The following TCF20 variants were observed in gnomAD, a reference collection of about 807,000 sequenced individuals.
TCF20 encodes transcription factor 20.
Under a neutral mutation model 148.6 loss-of-function variants are expected in TCF20, and 3 were observed. The observed-to-expected ratio is 0.02, with a 90% CI of 0.01 to 0.05. TCF20 has a LOEUF of 0.05. Ranked by LOEUF, TCF20 falls within the 10% of genes least tolerant of loss-of-function variation. TCF20 has a pLI of 1.00. For missense variants in TCF20, 2,350 were observed against 2,429.3 expected, an observed-to-expected ratio of 0.97 and a Z score of 0.69; for synonymous variants, 1,049 against 909.5, an observed-to-expected ratio of 1.15 and a Z score of -2.76.
chr22:42,296,166 C>A (rs1272813455), intron 1 of TCF20, among the ~76,000 whole-genome samples: 1 of 152,056 alleles, frequency 6.6e-6, no homozygotes, highest in African/African-American at 2.4e-5. Flanking sequence ...CTTGGCAGTG[C>A]AGGATCACCA....
chr22:42,217,880 C>A (rs1569157991), intron 1 of TCF20, among the ~76,000 whole-genome samples: 1 of 152,200 alleles, frequency 6.6e-6, no homozygotes, highest in Admixed American at 6.5e-5. Flanking sequence ...TGACCCATAT[C>A]TTGAAATATC....
At chr22:42,270,715 CGGGA>C (rs987156336), upstream of TCF20, among the ~76,000 whole-genome samples, 2 of 55,246 alleles carry the variant, frequency 3.6e-5, no homozygotes, top group South Asian at 6.4e-4. Flanking sequence ...CGCGGGCGGG[CGGGA>C]GGGCGCGCGG....
At chr22:42,175,490 G>A (rs924070528) in intron 3 of TCF20, among the ~76,000 whole-genome samples, 4 of 152,070 alleles carry the variant, frequency 2.6e-5, no homozygotes, top group Admixed American at 6.5e-5. Context: ...ACAGGCACGC[G>A]CCACCACACC....
At position 42,187,198 on chromosome 22, in the gene TCF20, C is replaced by T. The variant is rs954994781; in HGVS notation, c.5656-7496G>A. Among the ~76,000 whole-genome samples the T allele has an allele frequency of 1.4e-4, 22 of 152,228 alleles. No individual in the cohort carries two copies. The South Asian group carries it at 2.7e-3, about 19-fold the overall frequency. ...ACAGATGGTACTATTCCTTACAACA[C>T]ACTTAGGGCCCAATAGTTCATCTTC... On this transcript the variant is annotated intron_variant, in intron 2 of 5. Coordinates refer to ENST00000677622, the MANE Select transcript of TCF20 (RefSeq NM_001378418.1).
chr22:42,229,246 T>C (rs1012251938), intron 1 of TCF20, among the ~76,000 whole-genome samples: 1 of 152,106 alleles, frequency 6.6e-6, no homozygotes. Context: ...TCCATAATTA[T>C]GGAATGGCAA....
intron 5 of TCF20, among the ~76,000 whole-genome samples, chr22:42,166,523 C>T (rs950068778): frequency 4.6e-5 from 7 of 151,626 alleles, no homozygotes; most frequent in African/African-American, 1.2e-4. Context: ...GCGGGAGAAT[C>T]GCCTGAACCC....
At position 42,168,601 on chromosome 22, in the gene TCF20, C is replaced by G. The variant is rs141457938; in HGVS notation, c.*44+8G>C. 1 of 1,555,782 alleles carries G rather than the reference C, an allele frequency of 6.4e-7. No individual in the cohort carries two copies. Among genetic ancestry groups the G allele is most frequent in the Non-Finnish European group, 8.7e-7 (1 of 1,152,408 alleles). On this transcript the variant is annotated splice_region_variant and intron_variant, in intron 5 of 5. Transcript: ENST00000677622. ...CAGGATGCAGGGAGCCCGGTGGCCCCGACTCACCTGTGCTTGCTGTCCTTT... is the reference window on the plus strand; with the variant it reads ...CAGGATGCAGGGAGCCCGGTGGCCCGGACTCACCTGTGCTTGCTGTCCTTT...
chr22:42,244,511 C>T (rs1004591792), intron 1 of TCF20, among the ~76,000 whole-genome samples: 6 of 152,168 alleles, frequency 3.9e-5, no homozygotes, highest in Admixed American at 6.6e-5. Flanking sequence ...CAAAACACTA[C>T]GCGCTAAGTG....
At chr22:42,187,280 TCACA>T (rs1044918252) in intron 2 of TCF20, among the ~76,000 whole-genome samples, 7 of 152,158 alleles carry the variant, frequency 4.6e-5, no homozygotes, top group African/African-American at 1.7e-4. Context: ...ATGAAAACAC[TCACA>T]CAAACTTTCT....
chr22:42,283,958 A>C (rs1926972020), exon 1 of TCF20, among the ~76,000 whole-genome samples: 1 of 152,208 alleles, frequency 6.6e-6, no homozygotes, highest in East Asian at 1.9e-4. Context: ...GGAAAAGGAA[A>C]GGGGGGCAGT....
intron 1 of TCF20, among the ~76,000 whole-genome samples, chr22:42,222,955 T>G (rs1051890948): frequency 1.3e-5 from 2 of 152,120 alleles, no homozygotes; most frequent in African/African-American, 4.8e-5. Flanking sequence ...GAGACCAGCA[T>G]GGGCAACATA....
intron 1 of TCF20, among the ~76,000 whole-genome samples, chr22:42,265,597 T>A (rs1926242557): frequency 6.6e-6 from 1 of 152,194 alleles, no homozygotes; most frequent in Non-Finnish European, 1.5e-5. Context: ...GTTACTTTTT[T>A]ACCTCCACAA....
upstream of TCF20, among the ~76,000 whole-genome samples, chr22:42,270,663 G>T (rs1016711500): frequency 2.1e-5 from 3 of 144,466 alleles, no homozygotes; most frequent in African/African-American, 7.4e-5. Context: ...CAGAGCGTCA[G>T]GTGACGGCGC....
At chr22:42,339,674 T>C (rs1928130139) in intron 1 of TCF20, among the ~76,000 whole-genome samples, 1 of 152,228 alleles carries the variant, frequency 6.6e-6, no homozygotes, top group Non-Finnish European at 1.5e-5. Flanking sequence ...ACCACATGCC[T>C]TAGAGAGTGA....
At chr22:42,261,775 C>A (rs548192790) in intron 1 of TCF20, among the ~76,000 whole-genome samples, 5 of 152,120 alleles carry the variant, frequency 3.3e-5, no homozygotes, top group Admixed American at 3.3e-4. Context: ...GGGCAGATCA[C>A]GAGGTCAGGA....
chr22:42,210,399 T>C lies in TCF20; in HGVS notation c.4907A>G (p.His1636Arg). 1.9e-6 allele frequency: 3 copies of C among 1,614,244 alleles called. No homozygotes were observed. The highest frequency in any genetic ancestry group is 2.5e-6 in the Non-Finnish European group (3 of 1,180,042). ...AKNKSFYPYIHVVNKCELGAV... is the reference protein window; with the variant it reads ...AKNKSFYPYIRVVNKCELGAV... Reference sequence around the variant, plus strand: ...TCCAAGTTCACACTTATTTACTACATGGATGTAAGGGTAAAAAGACTTGTT... The same window carrying C: ...TCCAAGTTCACACTTATTTACTACACGGATGTAAGGGTAAAAAGACTTGTT... Residue 1636 changes from histidine (H) to arginine (R), a missense_variant, in exon 2 of 6, where the codon CAT becomes CGT. Around this residue, in one of 7 missense-constraint regions of TCF20, gnomAD observed 374 missense variants for 398.3 expected, o/e 0.94. Transcript: ENST00000677622. The surrounding 1 kb of genome is among the most constrained non-coding windows in gnomAD (Gnocchi z 4.7).
chr22:42,182,055 A>C (rs111442788), intron 2 of TCF20, among the ~76,000 whole-genome samples: 16 of 152,332 alleles, frequency 1.1e-4, no homozygotes, highest in African/African-American at 2.9e-4. Context: ...GAAGAGTGGC[A>C]AGATGGAGAG....
chr22:42,323,910 G>A lies in TCF20; in HGVS notation c.-37+19569C>T, dbSNP rs1389309442. Among the ~76,000 whole-genome samples, 52 of 126,350 alleles carry A rather than the reference G, an allele frequency of 4.1e-4. 5 individuals carry two copies. Among genetic ancestry groups the A allele is most frequent in the South Asian group, 1.4e-3 (5 of 3,502 alleles). The allele number at this position is 126,350 out of a possible 152,430, so 82.9% of individuals were successfully genotyped here. A position where few individuals can be genotyped will look rare whatever the true frequency, so the allele number is the denominator to read the frequency against. On this transcript the variant is annotated intron_variant, in intron 1 of 1. Coordinates refer to the TCF20 transcript ENST00000515426. ...TGGAGGTTATGGTGGTGGAGGTGGTGGTGGTGATGGAGGTTATGGTGGTGG... is the reference window on the plus strand; with the variant it reads ...TGGAGGTTATGGTGGTGGAGGTGGTAGTGGTGATGGAGGTTATGGTGGTGG...
At chr22:42,232,221 C>T (rs969523155) in intron 1 of TCF20, among the ~76,000 whole-genome samples, 4 of 152,078 alleles carry the variant, frequency 2.6e-5, no homozygotes, top group East Asian at 1.9e-4. Context: ...CAGTAACATG[C>T]GGTACAGGTT....
Sources: allele counts gnomAD v4.1 joint callset (sites outside exome capture counted in the v4.1 genomes callset), GRCh38; gene constraint gnomAD v4.1.1; regional missense constraint gnomAD v4.1.1; non-coding constraint Gnocchi (gnomAD v3.1); transcripts MANE v1.5; gene names NCBI Gene and HGNC (gene_info 2026-07-23, HGNC 2026-07-21).